The following RB1 variants were observed in gnomAD, a reference collection of about 807,000 sequenced individuals.
The protein encoded by RB1 is RB transcriptional corepressor 1.
In RB1, 18 loss-of-function variants were observed where a neutral mutation model predicts 135.4. That is an observed-to-expected ratio of 0.13 (90% CI 0.09 to 0.20). The LOEUF is 0.20. Ranked by LOEUF, RB1 falls within the 10% of genes least tolerant of loss-of-function variation. The pLI is 1.00. For missense variants in RB1, 868 were observed against 1,110.0 expected, an observed-to-expected ratio of 0.78 and a Z score of 3.10; for synonymous variants, 365 against 373.2, an observed-to-expected ratio of 0.98 and a Z score of 0.25.
intron 17 of RB1, among the ~76,000 whole-genome samples, chr13:48,388,373 A>C (rs1317880074): frequency 6.6e-6 from 1 of 152,158 alleles, no homozygotes; most frequent in East Asian, 1.9e-4. Flanking sequence ...ATTTCAATAG[A>C]GGTGTCAAGT....
intron 17 of RB1, among the ~76,000 whole-genome samples, chr13:48,385,585 A>G (rs1317837132): frequency 6.6e-6 from 1 of 152,132 alleles, no homozygotes; most frequent in Non-Finnish European, 1.5e-5. Context: ...AACCTTGGCC[A>G]CTGAAGAGAG....
chr13:48,304,331 G>C (rs1380020106), intron 1 of RB1, among the ~76,000 whole-genome samples: 1 of 152,200 alleles, frequency 6.6e-6, no homozygotes, highest in Non-Finnish European at 1.5e-5. Context: ...TGTGAGGCTC[G>C]GAGGCAGAGG....
chr13:48,446,764 C>A (rs1949290756), intron 17 of RB1, among the ~76,000 whole-genome samples: 1 of 152,134 alleles, frequency 6.6e-6, no homozygotes. Context: ...AGAAAGATGA[C>A]CAGGATGGCT....
chr13:48,412,424 C>T (rs536959290), intron 17 of RB1: 15 of 1,610,830 alleles, frequency 9.3e-6, no homozygotes, highest in African/African-American at 2.7e-5. Flanking sequence ...CGCTTACCAT[C>T]GTAAAGGCAC....
At chr13:48,462,837 T>G (rs575221335) in intron 20 of RB1, among the ~76,000 whole-genome samples, 8 of 152,344 alleles carry the variant, frequency 5.3e-5, no homozygotes, top group Non-Finnish European at 8.8e-5. Context: ...CACCATTTTT[T>G]GAAGAGTTTT....
At position 48,303,926 on chromosome 13, in the gene RB1, C is replaced by A. The variant is rs1265159988; in HGVS notation, c.14C>A (p.Thr5Asn). Reference protein sequence around the residue: MPPKTPRKTAATAAA... With the variant: MPPKNPRKTAATAAA... ...CGGAAAGGCGTCATGCCGCCCAAAA[C>A]CCCCCGAAAAACGGCCGCCACCGCC... Residue 5 changes from threonine to asparagine, a missense_variant, in exon 1 of 27, where the codon ACC becomes AAC. Transcript: ENST00000267163. The A allele has an allele frequency of 2.6e-6, 4 of 1,511,774 alleles. No homozygotes were observed. The allele number at this position is 1,511,774 out of a possible 1,614,324, so 93.6% of individuals were successfully genotyped here.
intron 17 of RB1, among the ~76,000 whole-genome samples, chr13:48,436,889 C>T (rs1009162885): frequency 6.6e-6 from 1 of 152,034 alleles, no homozygotes; most frequent in Non-Finnish European, 1.5e-5. Flanking sequence ...CTTAAAATAC[C>T]CAGAAAACAA....
rs198580 is a variant in RB1 at position 48,459,611 on chromosome 13, G to A, written c.1961-77G>A. On this transcript the variant is annotated intron_variant, in intron 19 of 26. Coordinates refer to ENST00000267163, the MANE Select transcript of RB1 (RefSeq NM_000321.3). ...TACTTAACAGCATTATAATTAGAGC[G>A]ATTTCATGATTTGAAAAAAATCTAC... The A allele has an allele frequency of 0.96, 1,388,774 of 1,449,372 alleles. 668,725 individuals carry two copies. Among genetic ancestry groups the A allele is most frequent in the East Asian group, 1 (43,931 of 44,010 alleles). 89.8% of individuals were successfully genotyped at this position (1,449,372 alleles called of 1,614,324 possible).
At chr13:48,420,565 C>T (rs1948989616) in intron 17 of RB1, among the ~76,000 whole-genome samples, 1 of 151,972 alleles carries the variant, frequency 6.6e-6, no homozygotes, top group Non-Finnish European at 1.5e-5. Context: ...AGAAATAAAG[C>T]GTATTCAAGT....
chr13:48,343,103 G>C (rs1952461834), intron 3 of RB1, among the ~76,000 whole-genome samples: 1 of 152,086 alleles, frequency 6.6e-6, no homozygotes, highest in Non-Finnish European at 1.5e-5. Context: ...TAAAGCCTAA[G>C]ATTGTTTTAA....
At chr13:48,330,370 C>CA in intron 2 of RB1, among the ~76,000 whole-genome samples, 1 of 151,050 alleles carries the variant, frequency 6.6e-6, no homozygotes, top group Non-Finnish European at 1.5e-5. Flanking sequence ...TAGAAAAGAG[C>CA]AACAAAATGA....
chr13:48,328,679 C>A, intron 2 of RB1: 2 of 475,614 alleles, frequency 4.2e-6, no homozygotes, highest in South Asian at 4.3e-5. Flanking sequence ...TCTCCACCCC[C>A]AGCTCCCAGC....
intron 2 of RB1, chr13:48,318,128 C>A: frequency 1.9e-6 from 1 of 517,486 alleles, no homozygotes; most frequent in South Asian, 2.1e-5. Flanking sequence ...GGGCCGTGTC[C>A]TGGCTCCTGA....
intron 17 of RB1, among the ~76,000 whole-genome samples, chr13:48,393,358 G>A (rs184355605): frequency 7.2e-5 from 11 of 152,284 alleles, no homozygotes; most frequent in Non-Finnish European, 1.0e-4. Flanking sequence ...CCACTGGGCT[G>A]CATTCCAGTT....
chr13:48,478,745 A>G (rs1281375518), intron 26 of RB1, among the ~76,000 whole-genome samples: 1 of 152,218 alleles, frequency 6.6e-6, no homozygotes, highest in Non-Finnish European at 1.5e-5. Context: ...CTTTTCTTAA[A>G]GAATTACATT....
At chr13:48,447,749 C>T (rs1394044128) in intron 17 of RB1, among the ~76,000 whole-genome samples, 1 of 152,076 alleles carries the variant, frequency 6.6e-6, no homozygotes, top group African/African-American at 2.4e-5. Context: ...ATAGTTTTCC[C>T]GTGATCATGA....
chr13:48,317,191 C>T, intron 2 of RB1: 1 of 542,448 alleles, frequency 1.8e-6, no homozygotes, highest in South Asian at 4.7e-5. Flanking sequence ...AGCCCCATGT[C>T]GGGCTGAAGA....
At position 48,349,063 on chromosome 13, in the gene RB1, G is replaced by A. The variant is rs538323226; in HGVS notation, c.607+40G>A. The A allele has an allele frequency of 7.1e-6, 11 of 1,554,128 alleles. No homozygotes were observed. The African/African-American group carries it at 1.1e-4, about 15-fold the overall frequency. ...TTTATTAAATGCTAATATTTCAAAT[G>A]TAATAATTAAATTGGCATTCCTTTG... On this transcript the variant is annotated intron_variant, in intron 6 of 26. Transcript: ENST00000267163.
At chr13:48,417,614 A>G (rs1307823523) in intron 17 of RB1, among the ~76,000 whole-genome samples, 5 of 152,198 alleles carry the variant, frequency 3.3e-5, no homozygotes, top group Non-Finnish European at 7.3e-5. Flanking sequence ...TTCTAACCCA[A>G]TGCAAGGAAG....
Sources: allele counts gnomAD v4.1 joint callset (sites outside exome capture counted in the v4.1 genomes callset), GRCh38; gene constraint gnomAD v4.1.1; transcripts MANE v1.5; gene names NCBI Gene and HGNC (gene_info 2026-07-23, HGNC 2026-07-21).